Variants in AKAP13 observed in about 807,000 individuals in gnomAD.
AKAP13 encodes the protein A-kinase anchoring protein 13, also known as A-kinase anchor protein 13.
AKAP13 carries 80 observed loss-of-function variants against 264.5 expected under a neutral mutation model. The ratio of observed to expected loss-of-function variants is 0.30; its 90% CI spans 0.25 to 0.36. AKAP13 has a LOEUF of 0.36. Among genes scored for constraint, AKAP13 ranks in the 10% least tolerant of loss-of-function variants. AKAP13 has a pLI of 1.00. For missense variants in AKAP13, 3,712 were observed against 3,435.2 expected, an observed-to-expected ratio of 1.08 and a Z score of -2.01; for synonymous variants, 1,380 against 1,250.2, an observed-to-expected ratio of 1.10 and a Z score of -2.19.
At chr15:85,719,576 C>G (rs1008644937) in intron 23 of AKAP13, among the ~76,000 whole-genome samples, 2 of 152,112 alleles carry the variant, frequency 1.3e-5, no homozygotes, top group African/African-American at 4.8e-5. Flanking sequence ...ATGATAGATG[C>G]TCAGTAAAAC....
At chr15:85,641,071 C>G (rs2448028) in intron 9 of AKAP13, among the ~76,000 whole-genome samples, 7 of 152,144 alleles carry the variant, frequency 4.6e-5, no homozygotes, top group East Asian at 1.9e-4. Context: ...TTTTGTGAAT[C>G]CCAGGTACTT....
intron 8 of AKAP13, among the ~76,000 whole-genome samples, chr15:85,589,088 C>T (rs1203484574): frequency 6.6e-6 from 1 of 152,156 alleles, no homozygotes; most frequent in Non-Finnish European, 1.5e-5. Context: ...CTTAACTCTT[C>T]TCCGTGGTGC....
intron 8 of AKAP13, among the ~76,000 whole-genome samples, chr15:85,598,593 A>G (rs2079921628): frequency 6.6e-6 from 1 of 152,192 alleles, no homozygotes; most frequent in African/African-American, 2.4e-5. Context: ...TGAGCCTTTA[A>G]TCTGCAAATA....
chr15:85,746,475 C>G lies in AKAP13; in HGVS notation c.*1798C>G, dbSNP rs1303455647. 1.3e-5 allele frequency: 2 copies of G among 151,844 alleles called. No homozygotes were observed. The highest frequency in any genetic ancestry group is 4.8e-5 in the African/African-American group (2 of 41,292). The allele number at this position is 151,844 out of a possible 1,614,324, so 9.4% of individuals were successfully genotyped here. ...GGGGTCCATGTCCTTCCCTCCCCCACCCCGCCTCATTCTTTAATCAAAGGA... is the reference window on the plus strand; with the variant it reads ...GGGGTCCATGTCCTTCCCTCCCCCAGCCCGCCTCATTCTTTAATCAAAGGA... On this transcript the variant is annotated 3_prime_UTR_variant, in exon 37 of 37. Coordinates refer to ENST00000394518, the MANE Select transcript of AKAP13 (RefSeq NM_007200.5).
In AKAP13 at chr15:85,684,834, C is replaced by G. The variant is rs758822597; in HGVS notation, c.5250C>G (p.Ser1750Arg). 1.2e-6 allele frequency: 2 copies of G among 1,613,838 alleles called. No individual in the cohort carries two copies. The highest frequency in any genetic ancestry group is 1.7e-6 in the Non-Finnish European group (2 of 1,180,024). ...KSGTKVSRTF[S>R]YIKNKMSSSK... ...GAACAAAAGTCAGTCGTACATTCAG[C>G]TACATCAAGAATAAAATGTCTAGCA... The change falls in exon 16 of 37, where the codon AGC (serine) becomes AGG (arginine). Residue 1750 changes from serine (S) to arginine (R), a missense_variant. By Grantham distance (110) the Ser-to-Arg change is moderately radical (BLOSUM62 -1). Around this residue, in one of 3 missense-constraint regions of AKAP13, gnomAD observed 2,759 missense variants for 2,411.7 expected, o/e 1.14. Coordinates refer to ENST00000394518, the MANE Select transcript of AKAP13 (RefSeq NM_007200.5).
intron 17 of AKAP13, among the ~76,000 whole-genome samples, chr15:85,705,534 A>G (rs74786951): frequency 0.01 from 1,546 of 152,328 alleles, 29 homozygotes; most frequent in African/African-American, 0.033. Flanking sequence ...CGATAAATGG[A>G]TTATGCAAAA....
intron 9 of AKAP13, among the ~76,000 whole-genome samples, chr15:85,640,910 A>G (rs1210917722): frequency 6.6e-6 from 1 of 152,124 alleles, no homozygotes; most frequent in Non-Finnish European, 1.5e-5. Flanking sequence ...CACAATTTTG[A>G]ATTCTGTAGA....
intron 10 of AKAP13, among the ~76,000 whole-genome samples, chr15:85,650,776 AAAAAAAAAAAAAAAC>A (rs1567175428): frequency 3.4e-4 from 48 of 142,738 alleles, no homozygotes; most frequent in Non-Finnish European, 5.3e-4. Context: ...AAAAAAAAAA[AAAAAAAAAAAAAAAC>A]AACAAAAACT....
chr15:85,619,532 A>C, intron 8 of AKAP13: 1 of 985,416 alleles, frequency 1.0e-6, no homozygotes, highest in Non-Finnish European at 1.2e-6. Context: ...AAGGAAAAGT[A>C]GATTTTCTTT....
At chr15:85,484,691 C>G (rs1328112652) in intron 1 of AKAP13, among the ~76,000 whole-genome samples, 2 of 152,068 alleles carry the variant, frequency 1.3e-5, no homozygotes, top group Non-Finnish European at 2.9e-5. Context: ...ATTGTAATAT[C>G]GAGATGGTTC....
chr15:85,664,880 T>C (rs2083506194), intron 13 of AKAP13, 125 bp downstream of exon 13: 1 of 903,156 alleles, frequency 1.1e-6, no homozygotes. Flanking sequence ...ATATACTTAA[T>C]CTAGCACTAA....
At position 85,570,075 on chromosome 15, in the gene AKAP13, C is replaced by CAAAAA. The variant is rs141206000; in HGVS notation, c.663-5040_663-5036dup. Among the ~76,000 whole-genome samples the CAAAAA allele has an allele frequency of 1.4e-3, 119 of 83,142 alleles. 4 individuals carry two copies. Among genetic ancestry groups the CAAAAA allele is most frequent in the African/African-American group, 3.4e-3 (69 of 20,346 alleles). The allele number at this position is 83,142 out of a possible 152,430, so 54.5% of individuals were successfully genotyped here. ...TGGGCGACAGAGCGAGACTCCGTCTCAAAAAAAAAAAAAAAAAAAACCACT... is the reference window on the plus strand; with the variant it reads ...TGGGCGACAGAGCGAGACTCCGTCTCAAAAAAAAAAAAAAAAAAAAAAAAACCACT... On this transcript the variant is annotated intron_variant, in intron 5 of 36. Coordinates refer to ENST00000394518, the MANE Select transcript of AKAP13 (RefSeq NM_007200.5).
intron 1 of AKAP13, among the ~76,000 whole-genome samples, chr15:85,465,355 TTTATTA>T (rs986236084): frequency 2.6e-5 from 4 of 151,964 alleles, no homozygotes; most frequent in African/African-American, 9.7e-5. Context: ...TAAAAAAAAT[TTTATTA>T]TTATTATACT....
chr15:85,527,523 G>A (rs1411571313), intron 3 of AKAP13, among the ~76,000 whole-genome samples: 1 of 152,204 alleles, frequency 6.6e-6, no homozygotes, highest in Non-Finnish European at 1.5e-5. Context: ...ATATGATAAT[G>A]GAAGAAAAGG....
At chr15:85,596,868 A>C (rs58614772) in intron 8 of AKAP13, among the ~76,000 whole-genome samples, 2,842 of 152,240 alleles carry the variant, frequency 0.019, 94 homozygotes, top group African/African-American at 0.065. Flanking sequence ...TACTGTGTAG[A>C]GTATGAAGTA....
intron 9 of AKAP13, among the ~76,000 whole-genome samples, chr15:85,640,884 G>A (rs1439278751): frequency 3.9e-5 from 6 of 152,056 alleles, no homozygotes; most frequent in African/African-American, 1.2e-4. Context: ...TGAACCCCTG[G>A]ATGTTTTCCC....
intron 1 of AKAP13, among the ~76,000 whole-genome samples, chr15:85,404,734 G>A (rs2071587041): frequency 6.6e-6 from 1 of 152,252 alleles, no homozygotes; most frequent in African/African-American, 2.4e-5. Flanking sequence ...TCACACCTTT[G>A]TATCTTTAGT....
intron 1 of AKAP13, among the ~76,000 whole-genome samples, chr15:85,479,816 G>T (rs2151042054): frequency 6.6e-6 from 1 of 152,316 alleles, no homozygotes; most frequent in African/African-American, 2.4e-5. Context: ...GGCTTCTCTT[G>T]TAGCATGTGT....
chr15:85,461,776 A>G (rs1377790892), intron 1 of AKAP13, among the ~76,000 whole-genome samples: 2 of 152,222 alleles, frequency 1.3e-5, no homozygotes, highest in South Asian at 2.1e-4. Flanking sequence ...GTAGAGTGAC[A>G]TTGTATCTAA....
Sources: gnomAD v4.1 joint callset for allele counts (sites outside exome capture counted in the v4.1 genomes callset) on GRCh38, gnomAD v4.1.1 for gene constraint, gnomAD v4.1.1 regional missense constraint, MANE v1.5 for transcripts, NCBI Gene and HGNC (gene_info 2026-07-23, HGNC 2026-07-21) for gene names.